The following FAAH2 variants were observed in gnomAD, a reference collection of about 807,000 sequenced individuals.
FAAH2 encodes the protein fatty-acid amide hydrolase 2.
A neutral mutation model predicts 36.9 loss-of-function variants in FAAH2; 60 were observed. The observed-to-expected ratio is 1.63, with a 90% CI of 1.32 to 2.02. FAAH2 has a LOEUF of 2.02. Among genes scored for constraint, FAAH2 ranks in the 30% most tolerant of loss-of-function variants. The pLI, the probability that FAAH2 is intolerant of heterozygous loss-of-function variation, is 0.00. For synonymous variants in FAAH2, 214 were observed against 143.8 expected, an observed-to-expected ratio of 1.49 and a Z score of -3.49; for missense variants, 689 against 397.5, an observed-to-expected ratio of 1.73 and a Z score of -6.23.
chrX:57,347,510 C>T (rs2053853596), intron 5 of FAAH2, among the ~76,000 whole-genome samples: 1 of 109,962 alleles, frequency 9.1e-6, no homozygotes, highest in Non-Finnish European at 1.9e-5. Flanking sequence ...TCAACTTTCT[C>T]CTGAATCTCG....
the FAAH2 span, among the ~76,000 whole-genome samples, chrX:57,140,975 T>A: frequency 8.9e-6 from 1 of 111,869 alleles, no homozygotes; most frequent in Admixed American, 9.5e-5. Context: ...ATGAAACTAA[T>A]TTTTTTGTGT....
At chrX:57,428,647 A>G (rs1464171510) in intron 7 of FAAH2, among the ~76,000 whole-genome samples, 2 of 112,031 alleles carry the variant, frequency 1.8e-5, no homozygotes, top group East Asian at 5.6e-4. Flanking sequence ...TGAAAACAAC[A>G]TCCTATTCAA....
At chrX:57,215,466 T>C in the FAAH2 span, among the ~76,000 whole-genome samples, 6 of 111,579 alleles carry the variant, frequency 5.4e-5, no homozygotes, top group Admixed American at 2.9e-4. Flanking sequence ...TATTACTGGG[T>C]ATATACCCAA....
At chrX:57,394,973 G>A in intron 7 of FAAH2, 1 of 577,362 alleles carries the variant, frequency 1.7e-6, no homozygotes, top group Non-Finnish European at 3.1e-6. Context: ...GCATCCTTTA[G>A]GCATACAAGG....
chrX:57,460,279 G>A (rs1423185839), intron 10 of FAAH2, among the ~76,000 whole-genome samples: 1 of 111,045 alleles, frequency 9.0e-6, no homozygotes, highest in East Asian at 2.8e-4. Flanking sequence ...CAAGACACAC[G>A]AACATTCAAA....
At chrX:57,196,379 T>C in the FAAH2 span, among the ~76,000 whole-genome samples, 2 of 112,005 alleles carry the variant, frequency 1.8e-5, no homozygotes, top group South Asian at 3.7e-4. Flanking sequence ...TGTTGGTGTA[T>C]AGCAGAGCTA....
intron 6 of FAAH2, among the ~76,000 whole-genome samples, 171 bp downstream of exon 6, chrX:57,378,957 G>T (rs776801807): frequency 8.9e-6 from 1 of 112,003 alleles, no homozygotes; most frequent in Non-Finnish European, 1.9e-5. Flanking sequence ...TCACAAATTG[G>T]AAAGATGCCA....
At chrX:57,450,408 G>A (rs759556831) in intron 10 of FAAH2, among the ~76,000 whole-genome samples, 2 of 111,201 alleles carry the variant, frequency 1.8e-5, no homozygotes, top group Non-Finnish European at 3.8e-5. Flanking sequence ...AGTGATTTAA[G>A]GGTCAGGGTC....
At chrX:57,332,913 G>A (rs2053446981) in intron 4 of FAAH2, among the ~76,000 whole-genome samples, 2 of 111,689 alleles carry the variant, frequency 1.8e-5, no homozygotes, top group Admixed American at 1.9e-4. Context: ...TGACCTAGGG[G>A]AAATGAAATA....
chrX:57,268,749 A>G, the FAAH2 span, among the ~76,000 whole-genome samples: 1 of 111,706 alleles, frequency 9.0e-6, no homozygotes, highest in Non-Finnish European at 1.9e-5. Context: ...CTCACTAAAT[A>G]TGGAAAGAAA....
chrX:57,366,868 G>T (rs1226853725), intron 5 of FAAH2, among the ~76,000 whole-genome samples: 2 of 111,906 alleles, frequency 1.8e-5, no homozygotes, highest in Non-Finnish European at 3.8e-5. Context: ...GTTCTTTTCG[G>T]TTCCAACAAA....
At chrX:57,329,174 C>T (rs1403830717) in intron 3 of FAAH2, among the ~76,000 whole-genome samples, 2 of 112,258 alleles carry the variant, frequency 1.8e-5, no homozygotes, top group African/African-American at 6.5e-5. Context: ...CAGCAATTGG[C>T]AATATTGACT....
At chrX:57,223,929 G>A in the FAAH2 span, among the ~76,000 whole-genome samples, 1 of 111,513 alleles carries the variant, frequency 9.0e-6, no homozygotes, top group Non-Finnish European at 1.9e-5. Context: ...CTCAGGCAAA[G>A]TTGAAAAAAT....
chrX:57,327,547 C>T (rs1478168582), intron 3 of FAAH2, among the ~76,000 whole-genome samples: 1 of 110,255 alleles, frequency 9.1e-6, no homozygotes, highest in Admixed American at 9.7e-5. Context: ...TCTTTTTATT[C>T]CTTTTTCTCT....
the FAAH2 span, among the ~76,000 whole-genome samples, chrX:57,241,390 A>G: frequency 1.8e-5 from 2 of 111,916 alleles, no homozygotes; most frequent in African/African-American, 6.5e-5. Flanking sequence ...TTTGCAATCT[A>G]TGCATCTGAC....
the FAAH2 span, among the ~76,000 whole-genome samples, chrX:57,184,101 A>T: frequency 3.6e-5 from 4 of 110,755 alleles, no homozygotes; most frequent in Middle Eastern, 4.6e-3. Context: ...GTTGTTTAAG[A>T]TGTTTATCAA....
At chrX:57,338,261 G>A (rs899898497) in intron 4 of FAAH2, among the ~76,000 whole-genome samples, 1 of 111,519 alleles carries the variant, frequency 9.0e-6, no homozygotes. Context: ...GGCAGGAGTG[G>A]AGGTCGCAAG....
the FAAH2 span, among the ~76,000 whole-genome samples, chrX:57,195,194 C>A: frequency 1.8e-5 from 2 of 111,918 alleles, no homozygotes; most frequent in Non-Finnish European, 3.8e-5. Context: ...CATACTGTTT[C>A]CCATAGTGAT....
chrX:57,279,273 TA>T, the FAAH2 span, among the ~76,000 whole-genome samples: 1 of 112,174 alleles, frequency 8.9e-6, no homozygotes, highest in Non-Finnish European at 1.9e-5. Context: ...TATGCAGCCA[TA>T]AAAAAGGATG....
Sources: allele counts gnomAD v4.1 joint callset (sites outside exome capture counted in the v4.1 genomes callset), GRCh38; gene constraint gnomAD v4.1.1; transcripts MANE v1.5; gene names NCBI Gene and HGNC (gene_info 2026-07-23, HGNC 2026-07-21).